Variants in DNAH2 observed in about 807,000 individuals in gnomAD.
The protein encoded by DNAH2 is dynein axonemal heavy chain 2.
A neutral mutation model predicts 523.5 loss-of-function variants in DNAH2; 323 were observed. That is an observed-to-expected ratio of 0.62 (90% confidence interval 0.56 to 0.68). The LOEUF (loss-of-function observed/expected upper bound fraction) is 0.68, where lower values mean the gene tolerates loss of function less well. Among genes scored for constraint, DNAH2 ranks in the 30% least tolerant of loss-of-function variants. The pLI is 0.00. For synonymous variants in DNAH2, 2,093 were observed against 2,177.4 expected (o/e 0.96, Z 1.08); for missense variants, 4,907 against 5,701.5 (o/e 0.86, Z 4.49).
rs534253033 is a variant in DNAH2, at chr17:7,830,775, C to T, written c.12163C>T (p.Arg4055Trp). The T allele has an allele frequency of 3.6e-5, 58 of 1,614,086 alleles. No homozygotes were observed. The highest frequency in any genetic ancestry group is 1.6e-4 in the Middle Eastern group (1 of 6,062). The change falls in exon 79 of 86, where the codon CGG (arginine) becomes TGG (tryptophan). Residue 4055 changes from arginine to tryptophan, a missense_variant. Transcript: ENST00000572933. ...TGGACATGTCACAGATGACTGGGAC[C>T]GGCGCCTGCTGACCACCTACATCAA... ...YGGHVTDDWD[R>W]RLLTTYINDY...
chr17:7,796,935 C>CAA (rs370280901), intron 50 of DNAH2, among the ~76,000 whole-genome samples: 56,498 of 115,874 alleles, frequency 0.49, 14,170 homozygotes, highest in Admixed American at 0.56. Context: ...ATTAAAAATA[C>CAA]AAAAAAAAAA....
At chr17:7,751,136 T>C (rs1399836936) in intron 12 of DNAH2, among the ~76,000 whole-genome samples, 1 of 151,794 alleles carries the variant, frequency 6.6e-6, no homozygotes, top group African/African-American at 2.4e-5. Flanking sequence ...TATTTATTTA[T>C]TTATTTATTT....
chr17:7,775,677 C>T (rs1247021753), intron 30 of DNAH2, among the ~76,000 whole-genome samples: 1 of 138,562 alleles, frequency 7.2e-6, no homozygotes, highest in Admixed American at 7.8e-5. Context: ...AAGAGTGAAA[C>T]TCCGTCTCAA....
chr17:7,742,874 C>CCGTAT, intron 11 of DNAH2, 54 bp from the exon 12 acceptor site: 1 of 1,277,860 alleles, frequency 7.8e-7, no homozygotes, highest in Non-Finnish European at 1.0e-6. Context: ...GAGATGGTGG[C>CCGTAT]CCCTGGAGGA....
At chr17:7,799,445 C>G (rs540827315) in intron 56 of DNAH2, among the ~76,000 whole-genome samples, 83 of 152,316 alleles carry the variant, frequency 5.4e-4, no homozygotes, top group African/African-American at 1.9e-3. Context: ...TTTGGCATAA[C>G]TAGATTTTTG....
At position 7,797,236 on chromosome 17, in the gene DNAH2, C is replaced by T. The variant is rs1207897351; in HGVS notation, c.7924C>T (p.Arg2642Trp). 17 of 1,613,974 alleles carry T rather than the reference C, an allele frequency of 1.1e-5. No homozygotes were observed. The highest frequency in any genetic ancestry group is 1.3e-5 in the Non-Finnish European group (15 of 1,180,008). ...DFHDTKSSIT[R>W]LWIHECFRVF... ...CCATGATACCAAGTCCAGCATCACA[C>T]GGCTCTGGATCCATGAATGTTTCAG... Residue 2642 changes from arginine (R) to tryptophan (W), a missense_variant, in exon 51 of 86, where the codon CGG becomes TGG. Arg to Trp is a moderately radical substitution (Grantham distance 101, BLOSUM62 -3). Around this residue, in one of 3 missense-constraint regions of DNAH2, gnomAD observed 250 missense variants for 371.3 expected, o/e 0.67. Transcript: ENST00000572933.
At chr17:7,734,827 C>G in intron 7 of DNAH2, 119 bp downstream of exon 7, 1 of 1,020,460 alleles carries the variant, frequency 9.8e-7, no homozygotes, top group Non-Finnish European at 1.5e-6. Context: ...GACTGACCCA[C>G]CCAGGGTTCG....
At position 7,760,580 on chromosome 17, in the gene DNAH2, A is replaced by G. The variant is rs2075978336; in HGVS notation, c.2786-160A>G. 6.6e-6 allele frequency among the ~76,000 whole-genome samples: 1 copy of G among 152,104 alleles called. No homozygotes were observed. The highest frequency in any genetic ancestry group is 2.1e-4 in the South Asian group (1 of 4,820). On this transcript the variant is annotated intron_variant, in intron 17 of 85. Coordinates refer to ENST00000572933, the MANE Select transcript of DNAH2 (RefSeq NM_020877.5). This position sits in a 1 kb window ranked among gnomAD's most constrained non-coding sequence, Gnocchi z 4.0. ...AGGAGACACTAAGAGTCACATTTTCACTTTCTGCCTACTCCTTTACCTTCT... is the reference window on the plus strand; with the variant it reads ...AGGAGACACTAAGAGTCACATTTTCGCTTTCTGCCTACTCCTTTACCTTCT...
rs185174134 is a variant in DNAH2 at position 7,724,643 on chromosome 17, A to C, written c.228+954A>C. ...CAAAACAAACGAACAAACAAAACCC[A>C]AAAAAACAAAAAAACAATATTTTGA... On this transcript the variant is annotated intron_variant, in intron 3 of 85. Transcript: ENST00000572933. 2.5e-3 allele frequency among the ~76,000 whole-genome samples: 377 copies of C among 152,164 alleles called. 2 individuals carry two copies. The highest frequency in any genetic ancestry group is 8.5e-3 in the African/African-American group (353 of 41,502).
chr17:7,764,685 C>G (rs2076105956), intron 20 of DNAH2, among the ~76,000 whole-genome samples: 1 of 151,440 alleles, frequency 6.6e-6, no homozygotes, highest in Non-Finnish European at 1.5e-5. Context: ...TGGTCTTAAA[C>G]TCCTGAACTC....
At chr17:7,795,728 A>G (rs9904105) in intron 49 of DNAH2, among the ~76,000 whole-genome samples, 79,132 of 146,388 alleles carry the variant, frequency 0.54, 22,960 homozygotes, top group Admixed American at 0.63. Context: ...TGGGCGCAGT[A>G]GCTCTCGCCT....
At position 7,727,130 on chromosome 17, in the gene DNAH2, C is replaced by T. The variant is rs1833097357; in HGVS notation, c.237C>T (p.Leu79=). The T allele has an allele frequency of 6.4e-7, 1 of 1,562,858 alleles. No homozygotes were observed. Among genetic ancestry groups the T allele is most frequent in the African/African-American group, 1.4e-5 (1 of 71,538 alleles). ...SVEPEADVKP[L]FLSRAALTGL... is the part of the protein sequence containing the mutation. Reference sequence around the variant, plus strand: ...CTGCTCTCCTTCTGTAGAAGCCCCTCTTCCTTTCCCGAGCTGCGCTGACAG... The same window carrying T: ...CTGCTCTCCTTCTGTAGAAGCCCCTTTTCCTTTCCCGAGCTGCGCTGACAG... Residue 79 remains leucine (L), a synonymous_variant, in exon 4 of 86, where the codon CTC becomes CTT. Transcript: ENST00000572933.
At chr17:7,744,610 C>A (rs1036228834) in intron 12 of DNAH2, among the ~76,000 whole-genome samples, 1 of 152,002 alleles carries the variant, frequency 6.6e-6, no homozygotes, top group Non-Finnish European at 1.5e-5. Flanking sequence ...ATGGCTAGGT[C>A]GAGAGGTTTG....
rs376631744 is a variant in DNAH2 at position 7,759,859 on chromosome 17, C to T, written c.2706C>T (p.Ser902=). 207 of 1,614,092 alleles carry T rather than the reference C, an allele frequency of 1.3e-4. No homozygotes were observed. The highest frequency in any genetic ancestry group is 1.6e-4 in the Non-Finnish European group (190 of 1,180,052). The stretch of plus-strand genomic sequence containing the variant: ...ATGACATTGGCAACCACCTCTTTTC[C>T]ACCATCTCTGTCTTCTGCCACCTCC... ...VVNDIGNHLF[S]TISVFCHLPD... is the part of the protein sequence containing the mutation. Residue 902 remains serine, a synonymous_variant, in exon 17 of 86, where the codon TCC becomes TCT. Transcript: ENST00000572933.
Position 7,788,255 on chromosome 17 carries a change from G to A in DNAH2, c.6900+11G>A, listed in dbSNP as rs763204127. 17 of 1,564,790 alleles carry A rather than the reference G, an allele frequency of 1.1e-5. No homozygotes were observed. In the South Asian group the frequency reaches 1.6e-4, roughly 15 times the overall value. ...ACGCCAGAGAATGGGGTAAGGGGAG[G>A]ACACAGACCACGGGCAGGGGCAGGG... is the stretch of plus-strand genomic sequence containing the variant. On this transcript the variant is annotated intron_variant, in intron 44 of 85. Coordinates refer to ENST00000572933, the MANE Select transcript of DNAH2 (RefSeq NM_020877.5).
intron 39 of DNAH2, among the ~76,000 whole-genome samples, chr17:7,785,519 A>T (rs1013248677): frequency 2.6e-5 from 4 of 152,238 alleles, no homozygotes; most frequent in African/African-American, 9.6e-5. Context: ...AGTGGAAGGA[A>T]GTGGAATTAG....
Position 7,786,833 on chromosome 17 carries a change from A to C in DNAH2, c.6467-64A>C. On this transcript the variant is annotated intron_variant, in intron 41 of 85. Transcript: ENST00000572933. The surrounding 1 kb of genome is among the most constrained non-coding windows in gnomAD (Gnocchi z 7.5). ...GGAGTGTAGGCTTGTGTCTCCGAGG[A>C]GCGTGAGCGGAGGGTGCAAGGTGAG... 6.2e-7 allele frequency: 1 copy of C among 1,610,270 alleles called. No homozygotes were observed. The highest frequency in any genetic ancestry group is 1.1e-5 in the South Asian group (1 of 90,926).
intron 8 of DNAH2, 69 bp from the exon 9 acceptor site, chr17:7,739,663 TA>T: frequency 7.0e-7 from 1 of 1,425,544 alleles, no homozygotes; most frequent in Non-Finnish European, 9.7e-7. Context: ...CATTTGAAGC[TA>T]AACCAAATAG....
Position 7,776,767 on chromosome 17 carries a change from G to C in DNAH2, c.4948-12G>C. 6.2e-7 allele frequency: 1 copy of C among 1,607,100 alleles called. No individual in the cohort carries two copies. The highest frequency in any genetic ancestry group is 8.5e-7 in the Non-Finnish European group (1 of 1,174,650). On this transcript the variant is annotated splice_polypyrimidine_tract_variant and intron_variant, in intron 31 of 85. Coordinates refer to ENST00000572933, the MANE Select transcript of DNAH2 (RefSeq NM_020877.5). Reference sequence around the variant, plus strand: ...GACAGGGCTTTGGGACGTGGCTTCTGCACATCCCCAGGTGGTGATCACTGC... The same window carrying C: ...GACAGGGCTTTGGGACGTGGCTTCTCCACATCCCCAGGTGGTGATCACTGC...
Sources: allele counts gnomAD v4.1 joint callset (sites outside exome capture counted in the v4.1 genomes callset), GRCh38; gene constraint gnomAD v4.1.1; regional missense constraint gnomAD v4.1.1; non-coding constraint Gnocchi (gnomAD v3.1); transcripts MANE v1.5; gene names NCBI Gene and HGNC (gene_info 2026-07-23, HGNC 2026-07-21).